Variants in EDNRB observed in about 807,000 individuals in gnomAD.
The protein encoded by EDNRB is Hirschsprung disease 2.
EDNRB carries 18 observed loss-of-function variants against 46.4 expected under a neutral mutation model. That is an observed-to-expected ratio of 0.39 (90% CI 0.27 to 0.57). The LOEUF is 0.57. EDNRB is among the 20% of genes least tolerant of loss of function. The pLI is 0.61. For synonymous variants in EDNRB, 213 were observed against 204.9 expected (o/e 1.04, Z -0.34); for missense variants, 434 against 537.5 (o/e 0.81, Z 1.90).
At chr13:77,971,294 G>A (rs183047889) in intron 1 of EDNRB, among the ~76,000 whole-genome samples, 3 of 152,272 alleles carry the variant, frequency 2.0e-5, no homozygotes, top group East Asian at 1.9e-4. Flanking sequence ...GATGTCCTTC[G>A]GTATTTATTA....
intron 1 of EDNRB, among the ~76,000 whole-genome samples, chr13:77,950,354 G>A (rs971363674): frequency 4.6e-5 from 7 of 152,206 alleles, no homozygotes; most frequent in Admixed American, 2.0e-4. Context: ...TACTTGCTGG[G>A]CTGAGTTCCT....
intron 1 of EDNRB, among the ~76,000 whole-genome samples, chr13:77,932,317 T>G (rs896826069): frequency 6.6e-6 from 1 of 152,190 alleles, no homozygotes; most frequent in Non-Finnish European, 1.5e-5. Context: ...AACATATCTA[T>G]GTAGGGACAT....
At chr13:77,910,783 C>G (rs1229181903) in intron 1 of EDNRB, among the ~76,000 whole-genome samples, 1 of 151,980 alleles carries the variant, frequency 6.6e-6, no homozygotes, top group East Asian at 1.9e-4. Flanking sequence ...CCATGGGAAT[C>G]TATTTCACAC....
At chr13:77,907,539 CATCT>C (rs1017276724) in intron 1 of EDNRB, among the ~76,000 whole-genome samples, 1 of 151,942 alleles carries the variant, frequency 6.6e-6, no homozygotes, top group African/African-American at 2.4e-5. Context: ...CCTATCCATC[CATCT>C]ATCTATCCCA....
chr13:77,957,619 A>AGGTTGTC (rs1665367895), intron 1 of EDNRB, among the ~76,000 whole-genome samples: 2 of 152,242 alleles, frequency 1.3e-5, no homozygotes, highest in Non-Finnish European at 2.9e-5. Context: ...AATGCTTACA[A>AGGTTGTC]GGTTGTCAGA....
chr13:77,907,576 C>A (rs920424406), intron 1 of EDNRB, among the ~76,000 whole-genome samples: 3 of 152,072 alleles, frequency 2.0e-5, no homozygotes, highest in Middle Eastern at 3.4e-3. Context: ...CTCTGGAGAA[C>A]CCTGACTAAT....
chr13:77,897,725 A>T lies in EDNRB; in HGVS notation c.*475T>A, dbSNP rs1424150356. The T allele has an allele frequency of 1.0e-6, 1 of 987,432 alleles. No individual in the cohort carries two copies. Among genetic ancestry groups the T allele is most frequent in the African/African-American group, 1.8e-5 (1 of 57,138 alleles). 61.2% of individuals were successfully genotyped at this position (987,432 alleles called of 1,614,324 possible). A position where few individuals can be genotyped will look rare whatever the true frequency, so the allele number is the denominator to read the frequency against. On this transcript the variant is annotated 3_prime_UTR_variant, in exon 7 of 7. Coordinates refer to ENST00000646607, the MANE Select transcript of EDNRB (RefSeq NM_001122659.3). ...AATTACAATCTGATAATAGTGTGAT[A>T]ATATTAATTGAAAAGTTGTTTTAAA...
At chr13:77,971,153 T>G (rs924401883) in intron 1 of EDNRB, among the ~76,000 whole-genome samples, 2 of 152,226 alleles carry the variant, frequency 1.3e-5, no homozygotes, top group Non-Finnish European at 2.9e-5. Context: ...TACACAGTTA[T>G]GTTTAACTGG....
chr13:77,902,667 G>A (rs1305576908), intron 3 of EDNRB, among the ~76,000 whole-genome samples: 1 of 151,926 alleles, frequency 6.6e-6, no homozygotes, highest in East Asian at 1.9e-4. Flanking sequence ...AGACTGTGCG[G>A]TCCAACCCTA....
At chr13:77,923,110 T>C (rs1410284957), upstream of EDNRB, among the ~76,000 whole-genome samples, 1 of 152,202 alleles carries the variant, frequency 6.6e-6, no homozygotes, top group African/African-American at 2.4e-5. Flanking sequence ...TTAATGTAAC[T>C]AGAAATAAGA....
rs1879004566 is a variant in EDNRB, at chr13:77,901,825, A to G, written c.802-618T>C. On this transcript the variant is annotated intron_variant, in intron 3 of 6. Coordinates refer to ENST00000646607, the MANE Select transcript of EDNRB (RefSeq NM_001122659.3). ...GCAGCACTTTTTTTTTCTTTTTACT[A>G]ATAGGAAACAAGGAAATAGCAATTT... 1.3e-5 allele frequency among the ~76,000 whole-genome samples: 2 copies of G among 151,920 alleles called. 1 individual carries two copies. Among genetic ancestry groups the G allele is most frequent in the South Asian group, 4.1e-4 (2 of 4,826 alleles).
intron 1 of EDNRB, among the ~76,000 whole-genome samples, chr13:77,953,508 T>G (rs983707823): frequency 3.3e-5 from 5 of 152,144 alleles, no homozygotes; most frequent in Non-Finnish European, 7.4e-5. Flanking sequence ...ACAACCAGAA[T>G]GAACATGGCA....
At chr13:77,940,700 G>GGTGTGTGTGTGTGTGT (rs6145134) in intron 1 of EDNRB, among the ~76,000 whole-genome samples, 3 of 149,094 alleles carry the variant, frequency 2.0e-5, no homozygotes, top group African/African-American at 7.4e-5. Flanking sequence ...AGATGAATTG[G>GGTGTGTGTGTGTGTGT]GTGTGTGTGT....
chr13:77,923,778 CT>C (rs10709405), upstream of EDNRB, among the ~76,000 whole-genome samples: 30,758 of 139,958 alleles, frequency 0.22, 3,577 homozygotes, highest in East Asian at 0.54. Flanking sequence ...AAGAGAGGTA[CT>C]TTTTTTTTTT....
At chr13:77,930,230 A>G (rs1880354198) in intron 1 of EDNRB, among the ~76,000 whole-genome samples, 1 of 152,214 alleles carries the variant, frequency 6.6e-6, no homozygotes, top group African/African-American at 2.4e-5. Context: ...AACAATAAGC[A>G]CTTGAAAATA....
chr13:77,907,514 C>T (rs1384167355), intron 1 of EDNRB, among the ~76,000 whole-genome samples: 6 of 151,938 alleles, frequency 3.9e-5, no homozygotes, highest in Admixed American at 1.3e-4. Flanking sequence ...TGTCTGTCTA[C>T]TAACTACCTA....
chr13:77,942,856 T>C (rs1232621916), intron 1 of EDNRB, among the ~76,000 whole-genome samples: 1 of 152,188 alleles, frequency 6.6e-6, no homozygotes, highest in African/African-American at 2.4e-5. Context: ...ATAGGCTTTT[T>C]CTTAACAGAT....
chr13:77,930,725 G>A (rs371661086), intron 1 of EDNRB, among the ~76,000 whole-genome samples: 1 of 152,192 alleles, frequency 6.6e-6, no homozygotes, highest in Non-Finnish European at 1.5e-5. Flanking sequence ...GTAAAGCTCA[G>A]CATTTATTGA....
intron 1 of EDNRB, among the ~76,000 whole-genome samples, chr13:77,917,539 C>G (rs558015119): frequency 6.6e-6 from 1 of 152,170 alleles, no homozygotes; most frequent in African/African-American, 2.4e-5. Context: ...CAGATTCTAA[C>G]TTAGTAAGTC....
Sources: allele counts gnomAD v4.1 joint callset (sites outside exome capture counted in the v4.1 genomes callset), GRCh38; gene constraint gnomAD v4.1.1; transcripts MANE v1.5; gene names NCBI Gene and HGNC (gene_info 2026-07-23, HGNC 2026-07-21).